RYR3: variants seen among roughly 807,000 people sequenced by gnomAD.
RYR3 encodes the protein ryanodine receptor 3, also known as brain ryanodine receptor-calcium release channel.
A neutral mutation model predicts 584.3 loss-of-function variants in RYR3; 207 were observed. The observed-to-expected ratio is 0.35, with a 90% confidence interval of 0.32 to 0.40. The LOEUF (loss-of-function observed/expected upper bound fraction) is 0.40, where lower values mean the gene tolerates loss of function less well. Among genes scored for constraint, RYR3 ranks in the 10% least tolerant of loss-of-function variants. RYR3 has a pLI of 1.00. For missense variants in RYR3, 5,616 were observed against 6,089.2 expected, an observed-to-expected ratio of 0.92 and a Z score of 2.59; for synonymous variants, 2,416 against 2,248.5, an observed-to-expected ratio of 1.07 and a Z score of -2.11.
At chr15:33,600,435 G>A (rs2059602404) in intron 16 of RYR3, among the ~76,000 whole-genome samples, 2 of 152,020 alleles carry the variant, frequency 1.3e-5, no homozygotes, top group African/African-American at 4.8e-5. Context: ...GAGGAAGAGA[G>A]CCTGACTGGC....
intron 42 of RYR3, among the ~76,000 whole-genome samples, chr15:33,701,408 C>T (rs536169662): frequency 6.6e-6 from 1 of 152,250 alleles, no homozygotes; most frequent in South Asian, 2.1e-4. Flanking sequence ...ATTTATAAAT[C>T]TACCTATGGA....
intron 1 of RYR3, among the ~76,000 whole-genome samples, chr15:33,346,955 A>G (rs1972534222): frequency 6.6e-6 from 1 of 152,204 alleles, no homozygotes; most frequent in African/African-American, 2.4e-5. Context: ...TTTTAAAAAA[A>G]TAGCTGGGCA....
At chr15:33,593,008 G>C (rs1156788075) in intron 16 of RYR3, among the ~76,000 whole-genome samples, 3 of 152,206 alleles carry the variant, frequency 2.0e-5, no homozygotes, top group African/African-American at 4.8e-5. Flanking sequence ...GGGACAACTT[G>C]AAGCAAAGGC....
At chr15:33,815,193 A>G (rs1398074621) in intron 74 of RYR3, among the ~76,000 whole-genome samples, 1 of 152,232 alleles carries the variant, frequency 6.6e-6, no homozygotes, top group African/African-American at 2.4e-5. Context: ...GAATTCATGA[A>G]TGAAAAGATG....
chr15:33,826,389 G>A (rs1214689500), intron 83 of RYR3, 120 bp downstream of exon 83: 22 of 1,014,536 alleles, frequency 2.2e-5, no homozygotes, highest in Non-Finnish European at 3.4e-5. Flanking sequence ...GAACTCAGCA[G>A]TTTGGTACTT....
At chr15:33,539,607 T>G in intron 6 of RYR3, 145 bp downstream of exon 6, 1 of 481,526 alleles carries the variant, frequency 2.1e-6, no homozygotes, top group Non-Finnish European at 3.7e-6. Flanking sequence ...AATGTAGGGG[T>G]TAGGGATGCT....
intron 37 of RYR3, 59 bp downstream of exon 37, chr15:33,669,515 C>G: frequency 6.9e-7 from 1 of 1,450,940 alleles, no homozygotes; most frequent in Non-Finnish European, 9.7e-7. Context: ...GTTTTTGATT[C>G]CTTCATTAGA....
At chr15:33,581,264 C>A (rs576153762) in intron 13 of RYR3, among the ~76,000 whole-genome samples, 2 of 152,256 alleles carry the variant, frequency 1.3e-5, no homozygotes, top group Admixed American at 1.3e-4. Context: ...CACGTGGGGG[C>A]AACCCGTCAG....
intron 45 of RYR3, among the ~76,000 whole-genome samples, chr15:33,725,046 T>C (rs1414039681): frequency 1.3e-5 from 2 of 151,836 alleles, no homozygotes; most frequent in African/African-American, 4.8e-5. Context: ...AGAAAGCACA[T>C]TATAGTTTGC....
chr15:33,767,282 T>G (rs2152880196), intron 60 of RYR3, among the ~76,000 whole-genome samples: 1 of 151,960 alleles, frequency 6.6e-6, no homozygotes, highest in South Asian at 2.1e-4. Context: ...AGCCCCTCGC[T>G]TCAGCTCCAT....
rs564570086 is a variant in RYR3, at chr15:33,637,230, T to C, written c.3556+680T>C. Among the ~76,000 whole-genome samples, 186 of 151,810 alleles carry C rather than the reference T, an allele frequency of 1.2e-3. 2 individuals are homozygous for C. The Middle Eastern group carries it at 0.017, about 14-fold the overall frequency. ...GGGGAAAGAGTGTACTGCAAGTCAGTAGACTTCTCCTAACAAGCTCATTGG... is the reference window on the plus strand; with the variant it reads ...GGGGAAAGAGTGTACTGCAAGTCAGCAGACTTCTCCTAACAAGCTCATTGG... On this transcript the variant is annotated intron_variant, in intron 27 of 103. Transcript: ENST00000634891.
At chr15:33,524,737 G>A (rs561240071) in intron 3 of RYR3, among the ~76,000 whole-genome samples, 1 of 152,220 alleles carries the variant, frequency 6.6e-6, no homozygotes, top group African/African-American at 2.4e-5. Flanking sequence ...TGCTTCAAGT[G>A]TCATTCCTTT....
At position 33,859,591 on chromosome 15, in the gene RYR3, T is replaced by A; in HGVS notation, c.14159T>A (p.Met4720Lys). Residue 4720 changes from methionine to lysine, a missense_variant, in exon 100 of 104, where the codon ATG becomes AAG. Met to Lys is a moderately conservative substitution (Grantham distance 95, BLOSUM62 -1). Around this residue, in one of 9 missense-constraint regions of RYR3, gnomAD observed 918 missense variants for 887.4 expected, o/e 1.03. Transcript: ENST00000634891. Reference sequence around the variant, plus strand: ...CTTCTCTAGTGTTACCTTTTCCACATGTACGTGGGAGTGAGAGCAGGAGGT... The same window carrying A: ...CTTCTCTAGTGTTACCTTTTCCACAAGTACGTGGGAGTGAGAGCAGGAGGT... ...DDMMTCYLFH[M>K]YVGVRAGGGI... 1 of 1,614,016 alleles carries A rather than the reference T, an allele frequency of 6.2e-7. No homozygotes were observed. The highest frequency in any genetic ancestry group is 1.3e-5 in the African/African-American group (1 of 75,068).
chr15:33,698,271 T>C (rs2066005809), intron 40 of RYR3, among the ~76,000 whole-genome samples: 1 of 152,246 alleles, frequency 6.6e-6, no homozygotes, highest in African/African-American at 2.4e-5. Flanking sequence ...GCAGCCCTGC[T>C]CTTTCCAAGA....
At chr15:33,787,528 AAACAAAAAC>A (rs2074808481) in intron 66 of RYR3, among the ~76,000 whole-genome samples, 1 of 126,566 alleles carries the variant, frequency 7.9e-6, no homozygotes, top group Non-Finnish European at 1.7e-5. Context: ...TAAAAAAAAA[AAACAAAAAC>A]AAACAAACAA....
chr15:33,844,798 G>A (rs1438435076), intron 92 of RYR3, 64 bp from the exon 93 acceptor site: 2 of 1,366,768 alleles, frequency 1.5e-6, no homozygotes, highest in South Asian at 1.3e-5. Context: ...TAAAATATGT[G>A]GGGAGAGCCC....
At chr15:33,362,122 C>A (rs1341783240) in intron 1 of RYR3, among the ~76,000 whole-genome samples, 4 of 152,184 alleles carry the variant, frequency 2.6e-5, no homozygotes, top group African/African-American at 7.2e-5. Context: ...TAACACAGCA[C>A]CCTTGCCCCC....
At chr15:33,738,652 T>C in intron 50 of RYR3, 62 bp downstream of exon 50, 1 of 1,579,666 alleles carries the variant, frequency 6.3e-7, no homozygotes, top group Non-Finnish European at 8.7e-7. Flanking sequence ...CTACAGATAA[T>C]AACAGCCGTC....
At chr15:33,819,883 C>T in intron 77 of RYR3, 76 bp downstream of exon 77, 1 of 1,133,182 alleles carries the variant, frequency 8.8e-7, no homozygotes, top group South Asian at 1.5e-5. Context: ...TGAAAATTGT[C>T]ATGTTGAATA....
Sources: gnomAD v4.1 joint callset for allele counts (sites outside exome capture counted in the v4.1 genomes callset) on GRCh38, gnomAD v4.1.1 for gene constraint, gnomAD v4.1.1 regional missense constraint, MANE v1.5 for transcripts, NCBI Gene and HGNC (gene_info 2026-07-23, HGNC 2026-07-21) for gene names.